The following RNF14 variants were observed in gnomAD, a reference collection of about 807,000 sequenced individuals.
RNF14 encodes ring finger protein 14.
In RNF14, 26 loss-of-function variants were observed where a neutral mutation model predicts 52.6. The ratio of observed to expected loss-of-function variants is 0.49; its 90% CI spans 0.36 to 0.69. The LOEUF is 0.69. RNF14 is among the 30% of genes least tolerant of loss of function. RNF14 has a pLI of 0.00. For synonymous variants in RNF14, 194 were observed against 202.0 expected, an observed-to-expected ratio of 0.96 and a Z score of 0.34; for missense variants, 404 against 560.4, an observed-to-expected ratio of 0.72 and a Z score of 2.82.
chr5:141,957,553 T>C (rs1181638724), upstream of RNF14: 1 of 1,614,210 alleles, frequency 6.2e-7, no homozygotes, highest in Admixed American at 1.7e-5. This position sits in a 1 kb window ranked among gnomAD's most constrained non-coding sequence, Gnocchi z 4.3. Flanking sequence ...GGGATCCCAC[T>C]GTCGGCACAG....
In RNF14 at chr5:141,983,428, A is replaced by G. The variant is rs759685165; in HGVS notation, c.1112A>G (p.Asn371Ser). ...RNEYLQADEA[N>S]KRLLDQRYGK... ...GAATACCTGCAAGCGGATGAGGCTA[A>G]TAAAAGACTTTTGGATCAAAGGTAT... The change falls in exon 7 of 9, where the codon AAT (asparagine) becomes AGT (serine). Residue 371 changes from asparagine to serine, a missense_variant. Coordinates refer to ENST00000394520, the MANE Select transcript of RNF14 (RefSeq NM_004290.5). 2 of 1,613,890 alleles carry G rather than the reference A, an allele frequency of 1.2e-6. No individual in the cohort carries two copies. The highest frequency in any genetic ancestry group is 1.7e-6 in the Non-Finnish European group (2 of 1,179,912).
the RNF14 span, chr5:141,952,492 C>T: frequency 6.6e-6 from 1 of 152,180 alleles, no homozygotes; most frequent in African/African-American, 2.4e-5. Context: ...GGTTTTCAGG[C>T]AGAAGCACTG....
chr5:141,984,573 AAG>A (rs1158010566), intron 7 of RNF14, among the ~76,000 whole-genome samples: 1 of 152,228 alleles, frequency 6.6e-6, no homozygotes, highest in African/African-American at 2.4e-5. Context: ...TGCTTGTCAG[AAG>A]AGATTGTGCC....
At chr5:141,955,366 T>C, upstream of RNF14, 1 of 1,614,070 alleles carries the variant, frequency 6.2e-7, no homozygotes, top group Non-Finnish European at 8.5e-7. The surrounding 1 kb of genome is among the most constrained non-coding windows in gnomAD (Gnocchi z 5.5). Flanking sequence ...CTGGTTGCCT[T>C]GATTACGCAG....
At chr5:141,962,755 C>T (rs1406703253), upstream of RNF14, among the ~76,000 whole-genome samples, 2 of 152,118 alleles carry the variant, frequency 1.3e-5, no homozygotes, top group African/African-American at 4.8e-5. Context: ...TTATTTTGTG[C>T]GTTAGTAACC....
intron 6 of RNF14, among the ~76,000 whole-genome samples, chr5:141,982,048 G>A (rs1754836111): frequency 6.6e-6 from 1 of 152,234 alleles, no homozygotes; most frequent in South Asian, 2.1e-4. Context: ...ACTTAGCAAT[G>A]TATAATATAA....
At chr5:141,985,916 T>G (rs1232108666) in intron 8 of RNF14, among the ~76,000 whole-genome samples, 3 of 152,224 alleles carry the variant, frequency 2.0e-5, no homozygotes, top group African/African-American at 7.2e-5. Context: ...TTCTAGACTT[T>G]TATTTGTCCA....
At chr5:141,956,787 T>C (rs1325086938), upstream of RNF14, 2 of 1,614,244 alleles carry the variant, frequency 1.2e-6, no homozygotes, top group Non-Finnish European at 1.7e-6. Flanking sequence ...GGGAGGCCCA[T>C]GTGACGTGGA....
At chr5:141,968,688 G>A (rs1227391127), upstream of RNF14, among the ~76,000 whole-genome samples, 2 of 152,158 alleles carry the variant, frequency 1.3e-5, no homozygotes, top group African/African-American at 4.8e-5. Context: ...CGATAAATGC[G>A]GTCGGTGTTA....
At chr5:141,979,224 G>GTTTTGT (rs369460007) in intron 5 of RNF14, among the ~76,000 whole-genome samples, 130 of 72,054 alleles carry the variant, frequency 1.8e-3, no homozygotes, top group African/African-American at 2.7e-3. Context: ...GCCTACTTAG[G>GTTTTGT]TGGTGGTGGT....
chr5:141,976,325 GCA>G (rs988492630), intron 4 of RNF14, among the ~76,000 whole-genome samples: 1 of 152,158 alleles, frequency 6.6e-6, no homozygotes, highest in Non-Finnish European at 1.5e-5. Flanking sequence ...GCACGTGCAT[GCA>G]CACACACGCA....
At chr5:141,973,261 G>A (rs891326713) in intron 2 of RNF14, among the ~76,000 whole-genome samples, 44 of 126,710 alleles carry the variant, frequency 3.5e-4, no homozygotes, top group African/African-American at 4.9e-4. Flanking sequence ...TTTTTGAAAC[G>A]GAGTTTCACT....
At chr5:141,966,743 AATTCTCTTTCT>A (rs1753358510), upstream of RNF14, 1 of 152,302 alleles carries the variant, frequency 6.6e-6, no homozygotes, top group African/African-American at 2.4e-5. Context: ...ACTGCTTTGA[AATTCTCTTTCT>A]ATTCTCTCTA....
chr5:141,952,004 C>A, the RNF14 span, among the ~76,000 whole-genome samples: 1 of 152,212 alleles, frequency 6.6e-6, no homozygotes, highest in Non-Finnish European at 1.5e-5. Context: ...TTTTTGTTGA[C>A]CAGATGTAAG....
intron 8 of RNF14, among the ~76,000 whole-genome samples, chr5:141,985,327 G>A (rs1417096605): frequency 6.6e-6 from 1 of 152,104 alleles, no homozygotes; most frequent in Non-Finnish European, 1.5e-5. Flanking sequence ...ATAAGGAAAT[G>A]CTTCTACATA....
upstream of RNF14, among the ~76,000 whole-genome samples, chr5:141,954,002 G>C (rs1753133109): frequency 6.6e-6 from 1 of 152,192 alleles, no homozygotes; most frequent in African/African-American, 2.4e-5. Flanking sequence ...TTCCCCACTT[G>C]TGTCTAGAAA....
chr5:141,951,670 G>A, the RNF14 span: 102 of 1,021,938 alleles, frequency 1.0e-4, no homozygotes, highest in East Asian at 1.7e-3. Flanking sequence ...CCTCAATGCC[G>A]GTGCTTTCTT....
At chr5:141,977,339 C>CA (rs1283374263) in intron 4 of RNF14, among the ~76,000 whole-genome samples, 2 of 152,236 alleles carry the variant, frequency 1.3e-5, no homozygotes, top group Non-Finnish European at 2.9e-5. Context: ...AGGGTTTAGT[C>CA]AGTGGCACTA....
At chr5:141,951,566 G>T in the RNF14 span, 7 of 1,614,054 alleles carry the variant, frequency 4.3e-6, no homozygotes, top group Non-Finnish European at 5.9e-6. Context: ...CCCTGATGCA[G>T]CAAGGACAGC....
Sources: gnomAD v4.1 joint callset for allele counts (sites outside exome capture counted in the v4.1 genomes callset) on GRCh38, gnomAD v4.1.1 for gene constraint, Gnocchi (gnomAD v3.1) non-coding constraint, MANE v1.5 for transcripts, NCBI Gene and HGNC (gene_info 2026-07-23, HGNC 2026-07-21) for gene names.